The following XPNPEP3 variants were observed in gnomAD, a reference collection of about 807,000 sequenced individuals.
XPNPEP3 encodes X-prolyl aminopeptidase 3, also known as xaa-Pro aminopeptidase 3.
In XPNPEP3, 41 loss-of-function variants were observed where a neutral mutation model predicts 60.0. That is an observed-to-expected ratio of 0.68 (90% CI 0.53 to 0.89). The LOEUF (loss-of-function observed/expected upper bound fraction) is 0.89, where lower values mean the gene tolerates loss of function less well. Among genes scored for constraint, XPNPEP3 ranks in the 40% least tolerant of loss-of-function variants. The pLI is 0.00. For missense variants in XPNPEP3, 598 were observed against 638.9 expected (o/e 0.94, Z 0.69); for synonymous variants, 212 against 223.2 (o/e 0.95, Z 0.45).
At chr22:40,899,153 T>G (rs2058121315) in intron 4 of XPNPEP3, among the ~76,000 whole-genome samples, 1 of 152,160 alleles carries the variant, frequency 6.6e-6, no homozygotes, top group Non-Finnish European at 1.5e-5. Flanking sequence ...TGTCCATGGT[T>G]TTTTACCCAT....
At chr22:40,897,711 A>G (rs932158593) in intron 4 of XPNPEP3, among the ~76,000 whole-genome samples, 1 of 152,094 alleles carries the variant, frequency 6.6e-6, no homozygotes, top group Non-Finnish European at 1.5e-5. Flanking sequence ...GCAATGCACA[A>G]GGGTTCCAGT....
At chr22:40,912,198 G>C (rs1167624582) in intron 6 of XPNPEP3, among the ~76,000 whole-genome samples, 1 of 151,986 alleles carries the variant, frequency 6.6e-6, no homozygotes, top group Non-Finnish European at 1.5e-5. Context: ...AATATTCATA[G>C]ATAGACATTT....
At chr22:40,904,072 G>C (rs201768614) in intron 4 of XPNPEP3, among the ~76,000 whole-genome samples, 1 of 152,104 alleles carries the variant, frequency 6.6e-6, no homozygotes, top group Non-Finnish European at 1.5e-5. Flanking sequence ...CAAACATTCA[G>C]GTAGCACTTA....
intron 1 of XPNPEP3, chr22:40,861,918 A>G (rs753867948): frequency 6.2e-7 from 1 of 1,613,536 alleles, no homozygotes; most frequent in Non-Finnish European, 8.5e-7. Context: ...TTTAAGTGCC[A>G]CTTTATGATA....
intron 3 of XPNPEP3, among the ~76,000 whole-genome samples, chr22:40,885,178 G>A (rs2146253110): frequency 6.6e-6 from 1 of 152,228 alleles, no homozygotes. Context: ...CATAGAATCA[G>A]TGCATATCCA....
intron 6 of XPNPEP3, among the ~76,000 whole-genome samples, chr22:40,913,302 GT>G (rs1198093801): frequency 1.3e-5 from 2 of 151,934 alleles, no homozygotes; most frequent in Admixed American, 6.6e-5. Context: ...GCCAGGTGTG[GT>G]GGCGGGCACC....
In XPNPEP3 at chr22:40,930,204, A is replaced by T. The variant is rs1183099963; in HGVS notation, c.*3769A>T. 2 of 144,796 alleles carry T rather than the reference A, an allele frequency of 1.4e-5. No homozygotes were observed. Among genetic ancestry groups the T allele is most frequent in the African/African-American group, 5.2e-5 (2 of 38,656 alleles). The allele number at this position is 144,796 out of a possible 1,614,324, so 9.0% of individuals were successfully genotyped here. A position where few individuals can be genotyped will look rare whatever the true frequency, so the allele number is the denominator to read the frequency against. Reference sequence around the variant, plus strand: ...GAGTGCAGTGGCACGATCTTGGCTCACTGCAACCTCCATCTCCCGGGTTCA... The same window carrying T: ...GAGTGCAGTGGCACGATCTTGGCTCTCTGCAACCTCCATCTCCCGGGTTCA... On this transcript the variant is annotated 3_prime_UTR_variant, in exon 10 of 10. Coordinates refer to ENST00000357137, the MANE Select transcript of XPNPEP3 (RefSeq NM_022098.4).
At chr22:40,910,057 T>A (rs1276393667) in intron 6 of XPNPEP3, among the ~76,000 whole-genome samples, 1 of 151,858 alleles carries the variant, frequency 6.6e-6, no homozygotes, top group Non-Finnish European at 1.5e-5. Flanking sequence ...AGTCCATTTC[T>A]TTACTGATTT....
chr22:40,882,197 G>A lies in XPNPEP3; in HGVS notation c.589+20G>A, dbSNP rs776828526. The A allele has an allele frequency of 1.9e-6, 3 of 1,613,660 alleles. No homozygotes were observed. The South Asian group carries it at 3.3e-5, about 18-fold the overall frequency. ...TGAAAGGTAACAAATGGGAGCAGAA[G>A]TCACATTACAAACCAGATTGGGATT... is the stretch of plus-strand genomic sequence containing the variant. On this transcript the variant is annotated intron_variant, in intron 3 of 9. Transcript: ENST00000357137.
intron 3 of XPNPEP3, among the ~76,000 whole-genome samples, chr22:40,882,411 C>T (rs139159857): frequency 7.1e-4 from 108 of 152,280 alleles, no homozygotes; most frequent in African/African-American, 2.5e-3. Context: ...CCGAGGCAGA[C>T]AGGTTCCTTG....
intron 2 of XPNPEP3, among the ~76,000 whole-genome samples, chr22:40,878,206 C>CA (rs201923483): frequency 0.062 from 6,691 of 108,148 alleles, 364 homozygotes; most frequent in African/African-American, 0.18. Flanking sequence ...AGCTCTATCT[C>CA]AAAAAAAAAA....
chr22:40,870,008 G>A (rs927431248), intron 2 of XPNPEP3: 1 of 470,412 alleles, frequency 2.1e-6, no homozygotes, highest in Non-Finnish European at 4.4e-6. Flanking sequence ...ATACCAGTAT[G>A]TTTCTCAGTG....
intron 4 of XPNPEP3, among the ~76,000 whole-genome samples, chr22:40,903,556 T>G (rs2058142967): frequency 6.6e-6 from 1 of 151,808 alleles, no homozygotes; most frequent in Non-Finnish European, 1.5e-5. Flanking sequence ...AGTGGTGCGA[T>G]CTAGGCTCAC....
intron 9 of XPNPEP3, among the ~76,000 whole-genome samples, chr22:40,926,017 A>C (rs2058233366): frequency 1.3e-5 from 2 of 152,282 alleles, no homozygotes; most frequent in South Asian, 4.1e-4. Context: ...CCGTAGTTGT[A>C]TTTAGCTTGT....
chr22:40,914,220 C>G lies in XPNPEP3; in HGVS notation c.970-19C>G. The G allele has an allele frequency of 3.1e-6, 5 of 1,606,432 alleles. No homozygotes were observed. Among genetic ancestry groups the G allele is most frequent in the Non-Finnish European group, 4.3e-6 (5 of 1,173,426 alleles). ...TAATCATGAGCTTATCCACTTTAAC[C>G]TGTCTTACTTTGTTCCAGGATGGGG... is the stretch of plus-strand genomic sequence containing the variant. On this transcript the variant is annotated intron_variant, in intron 6 of 9. Transcript: ENST00000357137.
At chr22:40,875,033 C>T (rs954103967) in intron 2 of XPNPEP3, among the ~76,000 whole-genome samples, 14 of 152,150 alleles carry the variant, frequency 9.2e-5, no homozygotes, top group African/African-American at 3.4e-4. Context: ...GAATAGTAGA[C>T]TAAAAGTTTT....
chr22:40,857,188 T>G lies in XPNPEP3; in HGVS notation c.7T>G (p.Trp3Gly), dbSNP rs748246638. ...ACGCGTGAGTTAGGCCGTAATGCCT[T>G]GGCTGCTCTCAGCCCCCAAGCTGGT... MP[W>G]LLSAPKLVPA... The change falls in exon 1 of 10, where the codon TGG becomes GGG. Residue 3 changes from tryptophan (W) to glycine (G), a missense_variant. Coordinates refer to ENST00000357137, the MANE Select transcript of XPNPEP3 (RefSeq NM_022098.4). 2 of 1,614,210 alleles carry G rather than the reference T, an allele frequency of 1.2e-6. No individual in the cohort carries two copies. Among genetic ancestry groups the G allele is most frequent in the Non-Finnish European group, 1.7e-6 (2 of 1,180,028 alleles).
chr22:40,867,476 TA>T (rs1206432061), intron 1 of XPNPEP3, among the ~76,000 whole-genome samples: 1 of 152,146 alleles, frequency 6.6e-6, no homozygotes, highest in Non-Finnish European at 1.5e-5. Context: ...GAAGATTGTT[TA>T]GAAAAATCAT....
rs552804797 is a variant in XPNPEP3 at position 40,897,948 on chromosome 22, T to C, written c.793-9639T>C. Among the ~76,000 whole-genome samples the C allele has an allele frequency of 1.1e-4, 16 of 152,290 alleles. No homozygotes were observed. The South Asian group carries it at 1.9e-3, about 18-fold the overall frequency. ...TAAATTGGGCTGGATTTTTTTGTTG[T>C]TGAGTTGTGGGAATTCCTTATATGT... On this transcript the variant is annotated intron_variant, in intron 4 of 9. Coordinates refer to ENST00000357137, the MANE Select transcript of XPNPEP3 (RefSeq NM_022098.4).
Sources: allele counts gnomAD v4.1 joint callset (sites outside exome capture counted in the v4.1 genomes callset), GRCh38; gene constraint gnomAD v4.1.1; transcripts MANE v1.5; gene names NCBI Gene and HGNC (gene_info 2026-07-23, HGNC 2026-07-21).